The following CLVS1 variants were observed in gnomAD, a reference collection of about 807,000 sequenced individuals.
The protein encoded by CLVS1 is clavesin 1.
Under a neutral mutation model 33.1 loss-of-function variants are expected in CLVS1, and 10 were observed. That is an observed-to-expected ratio of 0.30 (90% CI 0.19 to 0.51). CLVS1 has a LOEUF of 0.51. CLVS1 is among the 20% of genes least tolerant of loss of function. CLVS1 has a pLI of 0.97. For missense variants in CLVS1, 343 were observed against 433.4 expected (o/e 0.79, Z 1.85); for synonymous variants, 163 against 166.1 (o/e 0.98, Z 0.14).
chr8:61,006,639 C>G, the CLVS1 span, among the ~76,000 whole-genome samples: 1 of 152,184 alleles, frequency 6.6e-6, no homozygotes, highest in Non-Finnish European at 1.5e-5. Context: ...CATTTTCTAG[C>G]ATCTATAATT....
At chr8:61,345,466 A>G (rs1199627603) in intron 2 of CLVS1, among the ~76,000 whole-genome samples, 1 of 152,164 alleles carries the variant, frequency 6.6e-6, no homozygotes, top group African/African-American at 2.4e-5. Context: ...GATGCAGAGG[A>G]CACCCTTTTC....
intron 1 of CLVS1, among the ~76,000 whole-genome samples, chr8:61,289,224 A>G (rs1025091299): frequency 6.6e-6 from 1 of 152,218 alleles, no homozygotes; most frequent in Non-Finnish European, 1.5e-5. Flanking sequence ...ATAATAGTAA[A>G]GGGTAATAGA....
intron 5 of CLVS1, among the ~76,000 whole-genome samples, chr8:61,473,087 C>T (rs1477712082): frequency 6.6e-6 from 1 of 151,996 alleles, no homozygotes; most frequent in East Asian, 1.9e-4. Context: ...CTAACCTAGT[C>T]TTGGGTGGAA....
the CLVS1 span, among the ~76,000 whole-genome samples, chr8:61,004,048 C>T: frequency 1.3e-5 from 2 of 152,064 alleles, no homozygotes; most frequent in Non-Finnish European, 2.9e-5. Context: ...CTCCCAGGTA[C>T]CTGAAGAGAG....
At chr8:60,996,162 T>TA in the CLVS1 span, among the ~76,000 whole-genome samples, 56 of 150,940 alleles carry the variant, frequency 3.7e-4, no homozygotes, top group Admixed American at 5.9e-4. Context: ...TAAAGTATAA[T>TA]AAAAAAAAAA....
At chr8:61,113,485 G>T (rs1805665709) in intron 1 of CLVS1, among the ~76,000 whole-genome samples, 1 of 152,152 alleles carries the variant, frequency 6.6e-6, no homozygotes. Flanking sequence ...GGAGAAGCCT[G>T]CTTTAGACCT....
chr8:61,305,654 C>G (rs1219013470), intron 2 of CLVS1, among the ~76,000 whole-genome samples: 1 of 151,972 alleles, frequency 6.6e-6, no homozygotes, highest in East Asian at 1.9e-4. Context: ...TATTTCATCA[C>G]CCAGGTATTA....
intron 1 of CLVS1, among the ~76,000 whole-genome samples, chr8:61,073,872 C>A (rs1405845878): frequency 6.6e-6 from 1 of 151,594 alleles, no homozygotes; most frequent in East Asian, 1.9e-4. Flanking sequence ...ATTAGCCGGG[C>A]TAGGTGGCGG....
the CLVS1 span, among the ~76,000 whole-genome samples, chr8:61,014,257 G>A: frequency 1.3e-3 from 198 of 152,056 alleles, no homozygotes; most frequent in African/African-American, 4.6e-3. Context: ...GGTGTGCCAC[G>A]CTGATCAACT....
the CLVS1 span, among the ~76,000 whole-genome samples, chr8:61,042,723 G>A: frequency 3.9e-5 from 6 of 152,156 alleles, no homozygotes; most frequent in African/African-American, 1.4e-4. Flanking sequence ...AGCCATTATA[G>A]GTTATTACTT....
Position 61,242,633 on chromosome 8 carries a change from T to C in CLVS1, c.-151-57044T>C, listed in dbSNP as rs546459238. Among the ~76,000 whole-genome samples the C allele has an allele frequency of 7.7e-3, 1,164 of 151,836 alleles. 15 individuals carry two copies. Among genetic ancestry groups the C allele is most frequent in the African/African-American group, 0.026 (1,089 of 41,402 alleles). ...GGCAAAACCTCATCTCTACAAAAAATAAAAAATTAACCAGACATGGTGACA... is the reference window on the plus strand; with the variant it reads ...GGCAAAACCTCATCTCTACAAAAAACAAAAAATTAACCAGACATGGTGACA... On this transcript the variant is annotated intron_variant, in intron 2 of 2. Transcript: ENST00000522621.
chr8:61,122,733 G>A (rs1315962659), intron 1 of CLVS1, among the ~76,000 whole-genome samples: 1 of 152,104 alleles, frequency 6.6e-6, no homozygotes, highest in African/African-American at 2.4e-5. Context: ...CTGCCCAGGG[G>A]TTAGTTCAGA....
At chr8:61,077,444 T>TAG (rs1563393949) in intron 1 of CLVS1, among the ~76,000 whole-genome samples, 7 of 4,656 alleles carry the variant, frequency 1.5e-3, no homozygotes, top group Admixed American at 4.5e-3. Context: ...TCTAAAAGTA[T>TAG]TATTATTATT....
chr8:61,180,933 C>A (rs1485837988), intron 2 of CLVS1, among the ~76,000 whole-genome samples: 1 of 152,158 alleles, frequency 6.6e-6, no homozygotes, highest in African/African-American at 2.4e-5. Flanking sequence ...CAGCACAGGA[C>A]AAGGATGTCC....
chr8:61,131,042 C>T (rs1379511854), intron 1 of CLVS1, among the ~76,000 whole-genome samples: 1 of 152,138 alleles, frequency 6.6e-6, no homozygotes, highest in Non-Finnish European at 1.5e-5. Context: ...TTTCTATGTG[C>T]TCATCTGCAT....
chr8:61,431,223 A>G (rs753267847), intron 3 of CLVS1, among the ~76,000 whole-genome samples: 12 of 152,156 alleles, frequency 7.9e-5, no homozygotes, highest in Non-Finnish European at 1.6e-4. Context: ...CTTTTTGGCT[A>G]ATAGATAACC....
At chr8:61,414,583 G>T (rs1480870266) in intron 3 of CLVS1, among the ~76,000 whole-genome samples, 1 of 152,060 alleles carries the variant, frequency 6.6e-6, no homozygotes, top group African/African-American at 2.4e-5. Flanking sequence ...GTTTTGGCTG[G>T]GGCTGCGAGT....
chr8:61,179,195 C>G (rs1489399053), intron 2 of CLVS1, among the ~76,000 whole-genome samples: 1 of 152,018 alleles, frequency 6.6e-6, no homozygotes, highest in African/African-American at 2.4e-5. Context: ...GGGTTGCAAT[C>G]CTAATTTATG....
At chr8:61,013,962 G>A in the CLVS1 span, among the ~76,000 whole-genome samples, 1 of 152,252 alleles carries the variant, frequency 6.6e-6, no homozygotes, top group Non-Finnish European at 1.5e-5. Context: ...GGGGGACTGA[G>A]GGTCAGTTCT....
Sources: allele counts gnomAD v4.1 joint callset (sites outside exome capture counted in the v4.1 genomes callset), GRCh38; gene constraint gnomAD v4.1.1; transcripts MANE v1.5; gene names NCBI Gene and HGNC (gene_info 2026-07-23, HGNC 2026-07-21).